The following UBE2V1 variants were observed in gnomAD, a reference collection of about 807,000 sequenced individuals.
UBE2V1 encodes the protein ubiquitin conjugating enzyme E2 V1, also known as ubiquitin-conjugating enzyme E2 variant 1.
UBE2V1 carries 15 observed loss-of-function variants against 19.6 expected under a neutral mutation model. The ratio of observed to expected loss-of-function variants is 0.77; its 90% CI spans 0.51 to 1.18. The LOEUF is 1.18. UBE2V1 is among the 50% of genes most tolerant of loss of function. UBE2V1 has a pLI of 0.00. For synonymous variants in UBE2V1, 60 were observed against 60.7 expected, an observed-to-expected ratio of 0.99 and a Z score of 0.05; for missense variants, 125 against 184.8, an observed-to-expected ratio of 0.68 and a Z score of 1.88.
At chr20:50,088,539 A>G (rs2079050066) in intron 2 of UBE2V1, among the ~76,000 whole-genome samples, 1 of 152,196 alleles carries the variant, frequency 6.6e-6, no homozygotes, top group African/African-American at 2.4e-5. Flanking sequence ...TAATCTCAGC[A>G]CTTTGGGAGG....
intron 2 of UBE2V1, chr20:50,096,401 C>G (rs1315274233): frequency 3.0e-6 from 2 of 663,714 alleles, no homozygotes; most frequent in East Asian, 3.9e-5. Context: ...TGAACGACAT[C>G]TGATGGTGCA....
At chr20:50,106,087 A>T (rs1601129178) in intron 1 of UBE2V1, among the ~76,000 whole-genome samples, 1 of 152,150 alleles carries the variant, frequency 6.6e-6, no homozygotes, top group African/African-American at 2.4e-5. Context: ...TATGACTATT[A>T]AAAAGTGAAT....
At position 50,082,666 on chromosome 20, in the gene UBE2V1, G is replaced by C; in HGVS notation, c.*102C>G. 6.6e-7 allele frequency: 1 copy of C among 1,509,330 alleles called. No individual in the cohort carries two copies. The highest frequency in any genetic ancestry group is 8.8e-7 in the Non-Finnish European group (1 of 1,138,328). The allele number at this position is 1,509,330 out of a possible 1,614,324, so 93.5% of individuals were successfully genotyped here. On this transcript the variant is annotated 3_prime_UTR_variant, in exon 4 of 4. Coordinates refer to ENST00000371674, the MANE Select transcript of UBE2V1 (RefSeq NM_001032288.3). ...ATGGGAGCTTCCTTTCCGGTACTTT[G>C]AGGTCTACAAGACGTATCTAGAAAA...
intron 2 of UBE2V1, among the ~76,000 whole-genome samples, chr20:50,086,135 A>T (rs888729703): frequency 9.9e-5 from 15 of 152,056 alleles, no homozygotes; most frequent in Non-Finnish European, 1.5e-5. Context: ...AAGTTCCCAG[A>T]CTGACCCGGG....
At chr20:50,104,344 T>C (rs571675328) in intron 1 of UBE2V1, 22 of 981,586 alleles carry the variant, frequency 2.2e-5, no homozygotes, top group South Asian at 9.5e-5. Context: ...GTCCAAAATA[T>C]TGGACACTGT....
intron 2 of UBE2V1, among the ~76,000 whole-genome samples, chr20:50,091,759 G>GT (rs1406270364): frequency 2.0e-5 from 3 of 151,960 alleles, no homozygotes; most frequent in Admixed American, 1.3e-4. Context: ...CATCTATTAG[G>GT]TGAAAAAAAA....
chr20:50,088,622 C>T (rs2079054883), intron 2 of UBE2V1, among the ~76,000 whole-genome samples: 3 of 151,778 alleles, frequency 2.0e-5, no homozygotes, highest in African/African-American at 7.3e-5. Flanking sequence ...CCTGTCTCTA[C>T]AAAAAGTAAA....
intron 2 of UBE2V1, among the ~76,000 whole-genome samples, chr20:50,084,973 C>T (rs1274470914): frequency 2.0e-5 from 3 of 150,084 alleles, no homozygotes; most frequent in Non-Finnish European, 4.4e-5. Flanking sequence ...CTCGGCTCAC[C>T]GCAACCTCCG....
intron 1 of UBE2V1, among the ~76,000 whole-genome samples, chr20:50,112,529 G>A (rs1220229067): frequency 1.3e-5 from 2 of 152,126 alleles, no homozygotes; most frequent in African/African-American, 2.4e-5. Flanking sequence ...CTCCTTTCTA[G>A]TCAACATAGC....
upstream of UBE2V1, chr20:50,115,138 T>C: frequency 4.9e-6 from 1 of 203,578 alleles, no homozygotes. Context: ...CCTGCGCCTC[T>C]GAGACTTTCT....
At chr20:50,114,252 T>A (rs1418329050), upstream of UBE2V1, among the ~76,000 whole-genome samples, 2 of 152,168 alleles carry the variant, frequency 1.3e-5, no homozygotes, top group African/African-American at 4.8e-5. Flanking sequence ...ACCAGGACTC[T>A]AAACATAGAG....
upstream of UBE2V1, chr20:50,115,550 T>G (rs746946531): frequency 2.6e-5 from 42 of 1,586,158 alleles, no homozygotes; most frequent in Non-Finnish European, 3.5e-5. Context: ...TGACTTCAGG[T>G]AAGACGCTTG....
intron 3 of UBE2V1, among the ~76,000 whole-genome samples, chr20:50,083,301 G>A (rs1050889435): frequency 2.0e-5 from 3 of 152,226 alleles, no homozygotes; most frequent in Non-Finnish European, 4.4e-5. Context: ...GACAGCCAAG[G>A]CAAAGGGTGG....
chr20:50,111,341 AT>A (rs1260061565), intron 1 of UBE2V1: 5 of 997,052 alleles, frequency 5.0e-6, no homozygotes, highest in Non-Finnish European at 6.0e-6. Flanking sequence ...GTTAACCCAG[AT>A]TGTAGGTAGC....
intron 2 of UBE2V1, among the ~76,000 whole-genome samples, chr20:50,090,699 T>C (rs966977821): frequency 6.6e-6 from 1 of 152,194 alleles, no homozygotes; most frequent in Non-Finnish European, 1.5e-5. Context: ...CTTTCAGTTA[T>C]GAGTAAGTTC....
chr20:50,106,158 CT>C (rs2080345277), intron 1 of UBE2V1, among the ~76,000 whole-genome samples: 1 of 151,708 alleles, frequency 6.6e-6, no homozygotes, highest in Admixed American at 6.6e-5. Flanking sequence ...TAATCCAAGA[CT>C]TTTTGAAGAA....
At chr20:50,088,554 G>C (rs963501745) in intron 2 of UBE2V1, among the ~76,000 whole-genome samples, 6 of 152,196 alleles carry the variant, frequency 3.9e-5, no homozygotes, top group Non-Finnish European at 7.3e-5. Context: ...GGGAGGCCAA[G>C]ACAGGAGGAC....
At chr20:50,103,669 G>T (rs2080155338) in intron 1 of UBE2V1, among the ~76,000 whole-genome samples, 1 of 152,040 alleles carries the variant, frequency 6.6e-6, no homozygotes, top group African/African-American at 2.4e-5. Flanking sequence ...GCCTCCCAAG[G>T]TGCTGGGATT....
intron 2 of UBE2V1, among the ~76,000 whole-genome samples, chr20:50,088,533 C>T (rs1314664459): frequency 6.6e-6 from 1 of 152,120 alleles, no homozygotes; most frequent in African/African-American, 2.4e-5. Context: ...CGCCTGTAAT[C>T]TCAGCACTTT....
Sources: gnomAD v4.1 joint callset for allele counts (sites outside exome capture counted in the v4.1 genomes callset) on GRCh38, gnomAD v4.1.1 for gene constraint, MANE v1.5 for transcripts, NCBI Gene and HGNC (gene_info 2026-07-23, HGNC 2026-07-21) for gene names.